Variants in CDH4 observed in about 807,000 individuals in gnomAD.
CDH4 encodes the protein cadherin-4.
In CDH4, 33 loss-of-function variants were observed where a neutral mutation model predicts 86.0. The observed-to-expected ratio is 0.38, with a 90% CI of 0.29 to 0.51. CDH4 has a LOEUF of 0.51. CDH4 is among the 20% of genes least tolerant of loss of function. CDH4 has a pLI of 0.86. For synonymous variants in CDH4, 555 were observed against 549.4 expected (o/e 1.01, Z -0.14); for missense variants, 1,114 against 1,307.4 (o/e 0.85, Z 2.28).
At chr20:61,324,297 A>T (rs747735538) in intron 2 of CDH4, among the ~76,000 whole-genome samples, 1 of 152,184 alleles carries the variant, frequency 6.6e-6, no homozygotes, top group African/African-American at 2.4e-5. Context: ...TGATTGCATT[A>T]GTGTCCTGGG....
chr20:61,433,119 A>G (rs6089605), intron 2 of CDH4, among the ~76,000 whole-genome samples: 4 of 152,202 alleles, frequency 2.6e-5, no homozygotes, highest in Non-Finnish European at 4.4e-5. Flanking sequence ...GATTAAAGGC[A>G]TGAGCCACAA....
At chr20:61,744,996 G>A (rs1452953994) in intron 3 of CDH4, among the ~76,000 whole-genome samples, 1 of 152,202 alleles carries the variant, frequency 6.6e-6, no homozygotes, top group Non-Finnish European at 1.5e-5. Context: ...TGTTGCAGCT[G>A]CCTGCCTGAG....
intron 8 of CDH4, among the ~76,000 whole-genome samples, chr20:61,908,898 C>T (rs2054820523): frequency 6.6e-6 from 1 of 152,204 alleles, no homozygotes. Context: ...TTCAGGTCAC[C>T]CCAGTGCAAG....
At chr20:61,835,701 C>T (rs1209113790) in intron 4 of CDH4, among the ~76,000 whole-genome samples, 6 of 152,214 alleles carry the variant, frequency 3.9e-5, no homozygotes, top group Non-Finnish European at 8.8e-5. Context: ...GGGGCTCTCC[C>T]TAGTCAATAA....
chr20:61,375,556 GTGA>G (rs1361856546), intron 2 of CDH4, among the ~76,000 whole-genome samples: 15 of 150,522 alleles, frequency 1.0e-4, no homozygotes, highest in Non-Finnish European at 1.8e-4. Flanking sequence ...CTTGGTGGTG[GTGA>G]TGATGGTGGC....
At chr20:61,804,215 A>G (rs1484672770) in intron 4 of CDH4, among the ~76,000 whole-genome samples, 1 of 152,206 alleles carries the variant, frequency 6.6e-6, no homozygotes, top group Non-Finnish European at 1.5e-5. Context: ...ACGGGGCTGG[A>G]GATTCGCCCT....
At chr20:61,735,272 T>C (rs1475346953) in intron 2 of CDH4, among the ~76,000 whole-genome samples, 2 of 152,198 alleles carry the variant, frequency 1.3e-5, no homozygotes, top group African/African-American at 4.8e-5. Flanking sequence ...CAGAAGCTGC[T>C]TTTTTAAAAC....
At chr20:61,453,995 A>T (rs2085393911) in intron 2 of CDH4, among the ~76,000 whole-genome samples, 1 of 152,172 alleles carries the variant, frequency 6.6e-6, no homozygotes, top group Non-Finnish European at 1.5e-5. Flanking sequence ...CATGGTTGTA[A>T]GTTTCCTGAG....
intron 2 of CDH4, among the ~76,000 whole-genome samples, chr20:61,656,166 C>T (rs2087185183): frequency 6.6e-6 from 1 of 152,060 alleles, no homozygotes; most frequent in East Asian, 1.9e-4. Context: ...TTGGGATACA[C>T]AGCAGGGTTT....
chr20:61,729,512 C>T lies in CDH4; in HGVS notation c.170-14051C>T, dbSNP rs564402165. 3.3e-5 allele frequency among the ~76,000 whole-genome samples: 5 copies of T among 152,342 alleles called. No homozygotes were observed. The South Asian group carries it at 8.3e-4, about 25-fold the overall frequency. On this transcript the variant is annotated intron_variant, in intron 2 of 15. Transcript: ENST00000614565. ...CCTCTCTTTATATAGGCTCAGAGCCCTTTCACGACGTAAGGCTCTTTCGCC... is the reference window on the plus strand; with the variant it reads ...CCTCTCTTTATATAGGCTCAGAGCCTTTTCACGACGTAAGGCTCTTTCGCC...
chr20:61,364,295 G>T (rs548845946), intron 2 of CDH4, among the ~76,000 whole-genome samples: 1 of 152,314 alleles, frequency 6.6e-6, no homozygotes, highest in East Asian at 1.9e-4. Flanking sequence ...AAGCCGTGGG[G>T]GTGGAGCCAT....
Position 61,254,910 on chromosome 20 carries a change from A to T in CDH4, c.142A>T (p.Ile48Phe). 1 of 1,610,510 alleles carries T rather than the reference A, an allele frequency of 6.2e-7. No individual in the cohort carries two copies. The highest frequency in any genetic ancestry group is 8.5e-7 in the Non-Finnish European group (1 of 1,176,820). Residue 48 changes from isoleucine (I) to phenylalanine (F), a missense_variant, in exon 2 of 16, where the codon ATT becomes TTT. Transcript: ENST00000614565. ...TTACACGGCATTAATCTCCCAAAAT[A>T]TTCTAGAAGGGGAAAAGCTACTTCA... ...DDYTALISQN[I>F]LEGEKLLQVK...
intron 2 of CDH4, among the ~76,000 whole-genome samples, chr20:61,627,402 C>T (rs2086838844): frequency 6.6e-6 from 1 of 152,186 alleles, no homozygotes; most frequent in East Asian, 1.9e-4. Context: ...GTTCTCCGCT[C>T]ATTGGCTGGG....
intron 7 of CDH4, among the ~76,000 whole-genome samples, chr20:61,885,317 C>T (rs1984493933): frequency 6.6e-6 from 1 of 152,192 alleles, no homozygotes; most frequent in Non-Finnish European, 1.5e-5. Context: ...CCCCCAGCTC[C>T]CCCAGCCCCT....
At chr20:61,858,669 C>A (rs181023250) in intron 6 of CDH4, among the ~76,000 whole-genome samples, 1 of 152,184 alleles carries the variant, frequency 6.6e-6, no homozygotes, top group African/African-American at 2.4e-5. Flanking sequence ...GAATCACAGC[C>A]GTGTGTTCCC....
chr20:61,930,876 G>A lies in CDH4; in HGVS notation c.2239+1034G>A, dbSNP rs1005938771. ...CGATGTCCCCTGCTCTGGAAACACCGGGGGCCAGGCCCCAGCCAGAGCACC... is the reference window on the plus strand; with the variant it reads ...CGATGTCCCCTGCTCTGGAAACACCAGGGGCCAGGCCCCAGCCAGAGCACC... On this transcript the variant is annotated intron_variant, in intron 13 of 15. Transcript: ENST00000614565. Among the ~76,000 whole-genome samples, 11 of 152,334 alleles carry A rather than the reference G, an allele frequency of 7.2e-5. 1 individual carries two copies. The highest frequency in any genetic ancestry group is 1.2e-4 in the African/African-American group (5 of 41,584).
At chr20:61,932,010 C>G (rs1217168182) in intron 13 of CDH4, among the ~76,000 whole-genome samples, 1 of 152,112 alleles carries the variant, frequency 6.6e-6, no homozygotes, top group Non-Finnish European at 1.5e-5. Flanking sequence ...CCCAGGGGCC[C>G]TCAGGAAGCA....
At chr20:61,722,648 G>A (rs1885370087) in intron 2 of CDH4, among the ~76,000 whole-genome samples, 1 of 119,100 alleles carries the variant, frequency 8.4e-6, no homozygotes, top group Non-Finnish European at 1.7e-5. Flanking sequence ...CCCCACGCAT[G>A]CACAGTGGAC....
At chr20:61,794,437 C>T (rs1979415496) in intron 4 of CDH4, among the ~76,000 whole-genome samples, 2 of 152,184 alleles carry the variant, frequency 1.3e-5, no homozygotes, top group Admixed American at 1.3e-4. Context: ...GCTCATACAC[C>T]AAGTCCCTTG....
Sources: allele counts gnomAD v4.1 joint callset (sites outside exome capture counted in the v4.1 genomes callset), GRCh38; gene constraint gnomAD v4.1.1; transcripts MANE v1.5; gene names NCBI Gene and HGNC (gene_info 2026-07-23, HGNC 2026-07-21).